RAPGEF4: variants seen among roughly 807,000 people sequenced by gnomAD.
RAPGEF4 encodes the protein RAP guanine-nucleotide-exchange factor (GEF) 4.
A neutral mutation model predicts 147.9 loss-of-function variants in RAPGEF4; 66 were observed. The ratio of observed to expected loss-of-function variants is 0.45; its 90% CI spans 0.37 to 0.55. The LOEUF (loss-of-function observed/expected upper bound fraction) is 0.55, where lower values mean the gene tolerates loss of function less well. Among genes scored for constraint, RAPGEF4 ranks in the 20% least tolerant of loss-of-function variants. RAPGEF4 has a pLI of 0.00. For synonymous variants in RAPGEF4, 419 were observed against 442.7 expected (o/e 0.95, Z 0.67); for missense variants, 1,071 against 1,257.3 (o/e 0.85, Z 2.24).
chr2:172,814,822 ACATC>A, intron 4 of RAPGEF4: 1 of 272,024 alleles, frequency 3.7e-6, no homozygotes, highest in South Asian at 4.2e-5. Flanking sequence ...AATGGGGTTA[ACATC>A]TGCTTCATTT....
Position 172,944,006 on chromosome 2 carries a change from ACAGT to A in RAPGEF4, c.538-16747_538-16744del, listed in dbSNP as rs566584113. On this transcript the variant is annotated intron_variant, in intron 6 of 30. Transcript: ENST00000397081. ...GATCAATTATTTATGGGATTTGCAA[ACAGT>A]CAGTCACCTAAGGCATTTTACTTAT... 4.7e-4 allele frequency among the ~76,000 whole-genome samples: 72 copies of A among 152,310 alleles called. No homozygotes were observed. The South Asian group carries it at 6.8e-3, about 14-fold the overall frequency.
chr2:173,019,598 A>G (rs911593121), intron 22 of RAPGEF4, among the ~76,000 whole-genome samples: 2 of 152,236 alleles, frequency 1.3e-5, no homozygotes, highest in East Asian at 1.9e-4. Context: ...GGAACAGGTG[A>G]GCCATTTCTG....
At chr2:173,039,963 G>A (rs1684547395) in intron 29 of RAPGEF4, among the ~76,000 whole-genome samples, 1 of 152,102 alleles carries the variant, frequency 6.6e-6, no homozygotes, top group African/African-American at 2.4e-5. Context: ...GCTGAGGTGG[G>A]CAGATCGCCT....
chr2:172,994,448 C>T (rs1659608690), intron 15 of RAPGEF4, among the ~76,000 whole-genome samples: 1 of 152,230 alleles, frequency 6.6e-6, no homozygotes, highest in Non-Finnish European at 1.5e-5. Context: ...CATTTACTAA[C>T]TCTGTGACCT....
At chr2:173,022,685 C>T (rs948693689) in intron 23 of RAPGEF4, among the ~76,000 whole-genome samples, 20 of 152,190 alleles carry the variant, frequency 1.3e-4, no homozygotes, top group African/African-American at 4.6e-4. Flanking sequence ...CGCAGTTACG[C>T]TAAAGCCAGA....
At chr2:172,897,010 G>A (rs1420587758) in intron 4 of RAPGEF4, among the ~76,000 whole-genome samples, 2 of 152,240 alleles carry the variant, frequency 1.3e-5, no homozygotes, top group African/African-American at 4.8e-5. Context: ...GGTAAAATCA[G>A]CATATATGCT....
intron 1 of RAPGEF4, among the ~76,000 whole-genome samples, chr2:172,783,214 G>GGCC (rs1410407671): frequency 6.6e-6 from 1 of 152,072 alleles, no homozygotes; most frequent in African/African-American, 2.4e-5. Flanking sequence ...TTCATCCATC[G>GGCC]GCCGAGGACA....
At chr2:172,956,069 G>A (rs563870543) in intron 6 of RAPGEF4, among the ~76,000 whole-genome samples, 7 of 152,290 alleles carry the variant, frequency 4.6e-5, no homozygotes, top group South Asian at 2.1e-4. Context: ...GAGAGAGATC[G>A]GATGCGGGAA....
intron 6 of RAPGEF4, among the ~76,000 whole-genome samples, chr2:172,924,088 A>C (rs564251917): frequency 6.6e-6 from 1 of 152,322 alleles, no homozygotes; most frequent in East Asian, 1.9e-4. Flanking sequence ...TCCATCCTAC[A>C]ACAAATAATA....
intron 1 of RAPGEF4, among the ~76,000 whole-genome samples, chr2:172,773,857 AG>A (rs1340786011): frequency 1.3e-5 from 2 of 152,290 alleles, no homozygotes; most frequent in East Asian, 3.9e-4. Flanking sequence ...GAGTGAGGGG[AG>A]GGGGCTGCAA....
At chr2:172,942,198 A>G (rs919714569) in intron 6 of RAPGEF4, among the ~76,000 whole-genome samples, 2 of 144,426 alleles carry the variant, frequency 1.4e-5, no homozygotes, top group Non-Finnish European at 3.0e-5. Flanking sequence ...AAGTAATTGC[A>G]GTTTTTGCCT....
At chr2:172,901,234 G>A (rs1284024342) in intron 4 of RAPGEF4, among the ~76,000 whole-genome samples, 1 of 152,134 alleles carries the variant, frequency 6.6e-6, no homozygotes, top group Non-Finnish European at 1.5e-5. Flanking sequence ...CACTAATTCC[G>A]AGAGCACAGA....
chr2:172,976,805 T>C (rs1575423405), intron 10 of RAPGEF4, among the ~76,000 whole-genome samples: 1 of 152,222 alleles, frequency 6.6e-6, no homozygotes, highest in East Asian at 1.9e-4. Context: ...ATAAATTCCT[T>C]GATAAAACTG....
chr2:173,036,342 C>A, intron 28 of RAPGEF4, 130 bp downstream of exon 28: 1 of 766,990 alleles, frequency 1.3e-6, no homozygotes, highest in Non-Finnish European at 2.2e-6. Context: ...TTTGTCATCT[C>A]CTCTCAGTCC....
intron 1 of RAPGEF4, among the ~76,000 whole-genome samples, chr2:172,760,145 C>A (rs964666155): frequency 2.6e-5 from 4 of 152,152 alleles, no homozygotes; most frequent in African/African-American, 9.7e-5. Context: ...ACTATGCAAA[C>A]ACCACAGAAG....
intron 5 of RAPGEF4, among the ~76,000 whole-genome samples, chr2:172,920,803 A>G (rs1684666870): frequency 6.6e-6 from 1 of 152,108 alleles, no homozygotes; most frequent in African/African-American, 2.4e-5. Flanking sequence ...GTTCTTTCAG[A>G]TGGATGATGG....
At chr2:172,762,925 G>C (rs1186842555) in intron 1 of RAPGEF4, among the ~76,000 whole-genome samples, 2 of 152,216 alleles carry the variant, frequency 1.3e-5, no homozygotes, top group Non-Finnish European at 2.9e-5. Flanking sequence ...AAACCTGTGT[G>C]ACCATGAAGG....
At chr2:173,037,355 G>A (rs1184097486) in intron 29 of RAPGEF4, among the ~76,000 whole-genome samples, 2 of 152,062 alleles carry the variant, frequency 1.3e-5, no homozygotes, top group African/African-American at 2.4e-5. Context: ...CTAGGTGCTG[G>A]GATTACAGGC....
At chr2:172,835,089 TCTC>T (rs1249628140) in intron 4 of RAPGEF4, among the ~76,000 whole-genome samples, 3 of 152,194 alleles carry the variant, frequency 2.0e-5, no homozygotes, top group Non-Finnish European at 4.4e-5. Context: ...ATCAAACTGC[TCTC>T]TTTCCTCTGC....
Sources: gnomAD v4.1 joint callset for allele counts (sites outside exome capture counted in the v4.1 genomes callset) on GRCh38, gnomAD v4.1.1 for gene constraint, MANE v1.5 for transcripts, NCBI Gene and HGNC (gene_info 2026-07-23, HGNC 2026-07-21) for gene names.